The following SACM1L variants were observed in gnomAD, a reference collection of about 807,000 sequenced individuals.
The protein encoded by SACM1L is SAC1 like phosphatidylinositide phosphatase, also known as phosphatidylinositol-3-phosphatase SAC1.
Under a neutral mutation model 89.5 loss-of-function variants are expected in SACM1L, and 32 were observed. The observed-to-expected ratio is 0.36, with a 90% CI of 0.27 to 0.48. SACM1L has a LOEUF of 0.48. Among genes scored for constraint, SACM1L ranks in the 20% least tolerant of loss-of-function variants. The pLI is 0.99. For missense variants in SACM1L, 543 were observed against 708.5 expected, an observed-to-expected ratio of 0.77 and a Z score of 2.65; for synonymous variants, 213 against 232.8, an observed-to-expected ratio of 0.92 and a Z score of 0.77.
Position 45,745,176 on chromosome 3 carries a change from C to G in SACM1L, c.*1507C>G, listed in dbSNP as rs190839451. On this transcript the variant is annotated 3_prime_UTR_variant, in exon 20 of 20. Transcript: ENST00000389061. ...TGGAATATTGAAACTTAGTTCATGT[C>G]TGCTGTAAAATATTATTTAAATGCT... 2 of 152,628 alleles carry G rather than the reference C, an allele frequency of 1.3e-5. No homozygotes were observed. Among genetic ancestry groups the G allele is most frequent in the East Asian group, 3.9e-4 (2 of 5,184 alleles). The allele number at this position is 152,628 out of a possible 1,614,324, so 9.5% of individuals were successfully genotyped here.
At chr3:45,721,828 G>T (rs529878257) in intron 8 of SACM1L, among the ~76,000 whole-genome samples, 172 bp from the exon 9 acceptor site, 1 of 152,236 alleles carries the variant, frequency 6.6e-6, no homozygotes, top group South Asian at 2.1e-4. Flanking sequence ...GAGCAAGCTT[G>T]TGTTAGTTTT....
At chr3:45,704,154 G>A (rs1410236213) in intron 2 of SACM1L, among the ~76,000 whole-genome samples, 1 of 151,956 alleles carries the variant, frequency 6.6e-6, no homozygotes, top group African/African-American at 2.4e-5. Context: ...AAATAATTTT[G>A]GTGGCAAATT....
At chr3:45,727,956 T>C (rs922561323) in intron 11 of SACM1L, among the ~76,000 whole-genome samples, 1 of 152,220 alleles carries the variant, frequency 6.6e-6, no homozygotes, top group African/African-American at 2.4e-5. Flanking sequence ...CTTCATTATA[T>C]TTTCAGGCGG....
intron 1 of SACM1L, among the ~76,000 whole-genome samples, chr3:45,697,900 A>G (rs771497747): frequency 7.9e-5 from 12 of 152,222 alleles, no homozygotes; most frequent in Admixed American, 3.9e-4. Flanking sequence ...TGTTATCAAC[A>G]GTATAGATAA....
intron 7 of SACM1L, 55 bp downstream of exon 7, chr3:45,714,134 T>C: frequency 8.8e-7 from 1 of 1,135,304 alleles, no homozygotes; most frequent in East Asian, 2.5e-5. Context: ...TTAAATTTTA[T>C]TATAAGGCAG....
chr3:45,702,698 C>G (rs114661613), intron 1 of SACM1L, among the ~76,000 whole-genome samples: 3,567 of 152,226 alleles, frequency 0.023, 54 homozygotes, highest in Non-Finnish European at 0.04. Context: ...CTTGCCTGAA[C>G]TATTTAAGTT....
At chr3:45,736,654 T>C (rs545304615) in intron 14 of SACM1L, among the ~76,000 whole-genome samples, 8 of 152,308 alleles carry the variant, frequency 5.3e-5, no homozygotes, top group African/African-American at 1.7e-4. Flanking sequence ...ATAGAAACAA[T>C]ATTAGGAATG....
chr3:45,695,445 GAGAC>G (rs1698098229), intron 1 of SACM1L, among the ~76,000 whole-genome samples: 1 of 152,016 alleles, frequency 6.6e-6, no homozygotes, highest in Admixed American at 6.5e-5. Flanking sequence ...ATTGTTAGTA[GAGAC>G]AGAGTTTCAC....
intron 2 of SACM1L, among the ~76,000 whole-genome samples, chr3:45,703,989 A>C (rs374347196): frequency 3.3e-4 from 50 of 152,274 alleles, no homozygotes; most frequent in East Asian, 1.2e-3. Flanking sequence ...AATATACTTC[A>C]CTGACTAAAA....
chr3:45,720,736 G>T (rs535384812), intron 8 of SACM1L, among the ~76,000 whole-genome samples: 3 of 152,276 alleles, frequency 2.0e-5, no homozygotes, highest in African/African-American at 7.2e-5. Context: ...GATAGCCTGT[G>T]CCTCTGACAA....
chr3:45,689,631 A>T, intron 1 of SACM1L, 134 bp downstream of exon 1: 2 of 1,132,906 alleles, frequency 1.8e-6, no homozygotes, highest in East Asian at 2.6e-5. Context: ...GGTTTTCCTC[A>T]GCCGGCGCGG....
intron 19 of SACM1L, chr3:45,742,998 A>G (rs915822386): frequency 2.0e-5 from 3 of 152,246 alleles, no homozygotes; most frequent in Admixed American, 1.3e-4. Context: ...CTTTTGTTTT[A>G]TATATTTGTG....
At chr3:45,738,924 G>A in intron 18 of SACM1L, 51 bp downstream of exon 18, 1 of 1,065,016 alleles carries the variant, frequency 9.4e-7, no homozygotes. Flanking sequence ...TGTGTCTGAA[G>A]GTATAGATGG....
chr3:45,698,994 C>T (rs60843034), intron 1 of SACM1L, among the ~76,000 whole-genome samples: 17 of 152,304 alleles, frequency 1.1e-4, no homozygotes, highest in African/African-American at 3.9e-4. Context: ...AGGATGGTCT[C>T]GATCTCCTGA....
At chr3:45,736,028 G>A (rs570316901) in intron 14 of SACM1L, among the ~76,000 whole-genome samples, 1 of 152,116 alleles carries the variant, frequency 6.6e-6, no homozygotes, top group African/African-American at 2.4e-5. Context: ...CACCACACCT[G>A]GCTAATTTTT....
chr3:45,705,058 T>C (rs926805642), intron 2 of SACM1L, 77 bp from the exon 3 acceptor site: 3 of 911,388 alleles, frequency 3.3e-6, no homozygotes, highest in Non-Finnish European at 5.3e-6. Context: ...AAAGTAACTA[T>C]TGAAATCGAA....
intron 16 of SACM1L, among the ~76,000 whole-genome samples, chr3:45,738,163 G>A (rs564361783): frequency 4.3e-4 from 66 of 152,336 alleles, no homozygotes; most frequent in African/African-American, 1.4e-3. Context: ...TGCTGATGCT[G>A]CTTTCAAAGA....
At chr3:45,707,723 A>G (rs575831789) in intron 4 of SACM1L, among the ~76,000 whole-genome samples, 2 of 152,286 alleles carry the variant, frequency 1.3e-5, no homozygotes, top group South Asian at 2.1e-4. Context: ...ACTTCCCATT[A>G]AAGGAAACCT....
chr3:45,693,862 C>G (rs1185454962), intron 1 of SACM1L, among the ~76,000 whole-genome samples: 1 of 152,214 alleles, frequency 6.6e-6, no homozygotes, highest in East Asian at 1.9e-4. Flanking sequence ...TCTAAATATC[C>G]TGTTAGGCTC....
Sources: gnomAD v4.1 joint callset for allele counts (sites outside exome capture counted in the v4.1 genomes callset) on GRCh38, gnomAD v4.1.1 for gene constraint, MANE v1.5 for transcripts, NCBI Gene and HGNC (gene_info 2026-07-23, HGNC 2026-07-21) for gene names.